MAGI1: variants seen among roughly 807,000 people sequenced by gnomAD.
MAGI1 encodes membrane associated guanylate kinase, WW and PDZ domain containing 1.
A neutral mutation model predicts 139.9 loss-of-function variants in MAGI1; 58 were observed. The ratio of observed to expected loss-of-function variants is 0.41; its 90% CI spans 0.34 to 0.52. The LOEUF (loss-of-function observed/expected upper bound fraction) is 0.52, where lower values mean the gene tolerates loss of function less well. Among genes scored for constraint, MAGI1 ranks in the 20% least tolerant of loss-of-function variants. The probability of loss-of-function intolerance (pLI) is 0.12; values close to 1 mark genes in which losing one functional copy is unlikely to be tolerated. For missense variants in MAGI1, 1,874 were observed against 1,901.6 expected, an observed-to-expected ratio of 0.99 and a Z score of 0.27; for synonymous variants, 812 against 737.9, an observed-to-expected ratio of 1.10 and a Z score of -1.63.
chr3:65,776,631 T>C (rs1430111155), intron 1 of MAGI1, among the ~76,000 whole-genome samples: 1 of 152,142 alleles, frequency 6.6e-6, no homozygotes, highest in African/African-American at 2.4e-5. Context: ...ACTACAATAA[T>C]TAATGCCAGC....
At chr3:65,870,398 C>T (rs561248806) in intron 1 of MAGI1, among the ~76,000 whole-genome samples, 30 of 152,114 alleles carry the variant, frequency 2.0e-4, no homozygotes, top group African/African-American at 6.7e-4. Flanking sequence ...CCCATGCACC[C>T]TGATCTCTTC....
intron 1 of MAGI1, among the ~76,000 whole-genome samples, chr3:65,963,001 A>G (rs2064526372): frequency 6.6e-6 from 1 of 151,268 alleles, no homozygotes; most frequent in Admixed American, 6.6e-5. Context: ...ATATAAAACA[A>G]TGAAGTAATT....
chr3:65,493,280 T>C (rs1292563431), intron 3 of MAGI1, among the ~76,000 whole-genome samples: 1 of 152,108 alleles, frequency 6.6e-6, no homozygotes, highest in East Asian at 1.9e-4. Context: ...CATACTTGAA[T>C]AGGTAAATTA....
intron 1 of MAGI1, among the ~76,000 whole-genome samples, chr3:65,896,336 A>C (rs568005791): frequency 6.6e-5 from 10 of 151,456 alleles, no homozygotes; most frequent in African/African-American, 2.4e-4. Context: ...CATGGCTGAC[A>C]GGAAGGTTAT....
chr3:65,729,170 C>A (rs2033944521), intron 1 of MAGI1, among the ~76,000 whole-genome samples: 1 of 132,932 alleles, frequency 7.5e-6, no homozygotes, highest in African/African-American at 2.7e-5. Context: ...AAGCCATCTA[C>A]AAGTATATTC....
chr3:65,968,930 G>T (rs1014449135), intron 1 of MAGI1, among the ~76,000 whole-genome samples: 1 of 152,104 alleles, frequency 6.6e-6, no homozygotes, highest in African/African-American at 2.4e-5. Flanking sequence ...TTGATGAGAC[G>T]ACCTTAAATC....
intron 1 of MAGI1, among the ~76,000 whole-genome samples, chr3:65,920,265 G>A (rs925063082): frequency 3.3e-5 from 5 of 151,972 alleles, no homozygotes; most frequent in African/African-American, 4.8e-5. Flanking sequence ...TAAACACCTC[G>A]ACCTGTGCCC....
chr3:66,020,178 G>A (rs1313296903), intron 1 of MAGI1, among the ~76,000 whole-genome samples: 4 of 152,164 alleles, frequency 2.6e-5, no homozygotes, highest in South Asian at 2.1e-4. Context: ...AGTGGCTCAC[G>A]CCTATAATTC....
At chr3:65,380,509 C>T (rs994740636) in intron 16 of MAGI1, among the ~76,000 whole-genome samples, 1 of 152,234 alleles carries the variant, frequency 6.6e-6, no homozygotes. Context: ...ACTAATTCCC[C>T]TTCCTATTTC....
At chr3:65,447,120 C>G (rs1001521315) in intron 7 of MAGI1, among the ~76,000 whole-genome samples, 15 of 152,196 alleles carry the variant, frequency 9.9e-5, no homozygotes, top group African/African-American at 3.6e-4. Flanking sequence ...GTTAAACAAT[C>G]TTCTACTTAA....
chr3:66,030,758 A>G (rs910272518), intron 1 of MAGI1, among the ~76,000 whole-genome samples: 28 of 152,232 alleles, frequency 1.8e-4, no homozygotes, highest in African/African-American at 6.5e-4. Context: ...GGAAGTCACT[A>G]TAAGGACTTC....
intron 10 of MAGI1, among the ~76,000 whole-genome samples, chr3:65,431,515 C>T (rs1947449814): frequency 6.6e-6 from 1 of 151,940 alleles, no homozygotes; most frequent in African/African-American, 2.4e-5. Flanking sequence ...TGTGATATAG[C>T]CAACGCATGC....
chr3:65,578,588 G>A (rs1236800840), intron 2 of MAGI1, among the ~76,000 whole-genome samples: 2 of 152,128 alleles, frequency 1.3e-5, no homozygotes, highest in Non-Finnish European at 2.9e-5. Context: ...AGTCATGGGG[G>A]AAAATGAAAT....
At chr3:65,523,727 G>C (rs1413399993) in intron 2 of MAGI1, among the ~76,000 whole-genome samples, 1 of 152,122 alleles carries the variant, frequency 6.6e-6, no homozygotes, top group Non-Finnish European at 1.5e-5. Context: ...AGTATTTTAA[G>C]AAAGAATTTT....
intron 2 of MAGI1, among the ~76,000 whole-genome samples, chr3:65,600,084 C>A (rs999135852): frequency 6.6e-6 from 1 of 152,184 alleles, no homozygotes; most frequent in African/African-American, 2.4e-5. Context: ...GCAGATACTA[C>A]ATAAAACTTT....
intron 1 of MAGI1, among the ~76,000 whole-genome samples, chr3:65,795,919 T>G (rs1037146295): frequency 6.6e-6 from 1 of 151,614 alleles, no homozygotes; most frequent in Admixed American, 6.6e-5. Context: ...GGTGTGGTAG[T>G]GCACACCTGT....
chr3:65,478,536 GCCT>G, intron 4 of MAGI1, 53 bp downstream of exon 4: 1 of 1,526,250 alleles, frequency 6.6e-7, no homozygotes, highest in East Asian at 2.3e-5. Flanking sequence ...CTATGCAAAA[GCCT>G]CCTCGTCATC....
At chr3:65,895,744 G>A (rs1014473569) in intron 1 of MAGI1, among the ~76,000 whole-genome samples, 17 of 152,156 alleles carry the variant, frequency 1.1e-4, no homozygotes, top group Non-Finnish European at 1.8e-4. Flanking sequence ...TTTTAACATT[G>A]AAAAACAGTA....
At chr3:65,879,605 C>T (rs972444053) in intron 1 of MAGI1, among the ~76,000 whole-genome samples, 1 of 152,130 alleles carries the variant, frequency 6.6e-6, no homozygotes, top group Non-Finnish European at 1.5e-5. Flanking sequence ...TTCTTAACCT[C>T]TCTGTGCTCA....
Sources: allele counts gnomAD v4.1 joint callset (sites outside exome capture counted in the v4.1 genomes callset), GRCh38; gene constraint gnomAD v4.1.1; transcripts MANE v1.5; gene names NCBI Gene and HGNC (gene_info 2026-07-23, HGNC 2026-07-21).